MKLN1: variants seen among roughly 807,000 people sequenced by gnomAD.
MKLN1 encodes muskelin 1.
A neutral mutation model predicts 99.0 loss-of-function variants in MKLN1; 18 were observed. That is an observed-to-expected ratio of 0.18 (90% confidence interval 0.13 to 0.27). The LOEUF (loss-of-function observed/expected upper bound fraction) is 0.27, where lower values mean the gene tolerates loss of function less well. Among genes scored for constraint, MKLN1 ranks in the 10% least tolerant of loss-of-function variants. The pLI, the probability that MKLN1 is intolerant of heterozygous loss-of-function variation, is 1.00. For missense variants in MKLN1, 621 were observed against 875.9 expected (o/e 0.71, Z 3.67); for synonymous variants, 288 against 293.2 (o/e 0.98, Z 0.18).
chr7:131,443,081 G>A (rs912352653), intron 10 of MKLN1, among the ~76,000 whole-genome samples: 5 of 152,106 alleles, frequency 3.3e-5, no homozygotes, highest in African/African-American at 9.7e-5. Context: ...ATATCTGATC[G>A]CTTAGTAAAT....
chr7:131,441,410 C>T (rs1338566986), intron 10 of MKLN1, among the ~76,000 whole-genome samples: 2 of 151,852 alleles, frequency 1.3e-5, no homozygotes, highest in Admixed American at 6.6e-5. Flanking sequence ...ATAATTTTTC[C>T]CAGGAAAATA....
chr7:131,428,165 AAAATAAAT>A (rs903170892), intron 8 of MKLN1, among the ~76,000 whole-genome samples: 1 of 152,094 alleles, frequency 6.6e-6, no homozygotes, highest in Non-Finnish European at 1.5e-5. Context: ...ACCGTGTCTC[AAAATAAAT>A]AAATAAATAA....
Position 131,239,510 on chromosome 7 carries a change from G to T in MKLN1, c.-179+36536G>T, listed in dbSNP as rs111783698. Among the ~76,000 whole-genome samples, 104 of 152,130 alleles carry T rather than the reference G, an allele frequency of 6.8e-4. 1 individual carries two copies. Among genetic ancestry groups the T allele is most frequent in the African/African-American group, 2.3e-3 (97 of 41,504 alleles). ...TTTTAAATTTTTTATAGAGACAGGG[G>T]TCTTGCTAGGTTGCCCAGACTGATC... is the stretch of plus-strand genomic sequence containing the variant. On this transcript the variant is annotated intron_variant, in intron 3 of 7. Coordinates refer to the MKLN1 transcript ENST00000416992.
intron 2 of MKLN1, among the ~76,000 whole-genome samples, chr7:131,383,140 C>T (rs761118986): frequency 5.3e-5 from 8 of 152,262 alleles, no homozygotes; most frequent in Non-Finnish European, 1.2e-4. Context: ...TTGTTCCACA[C>T]CTTAAAACCT....
At position 131,466,558 on chromosome 7, in the gene MKLN1, T is replaced by C. The variant is rs1279035668; in HGVS notation, c.1928+143T>C. 1.9e-5 allele frequency: 10 copies of C among 532,360 alleles called. No individual in the cohort carries two copies. The Admixed American group carries it at 4.3e-4, about 23-fold the overall frequency. 33.0% of individuals were successfully genotyped at this position (532,360 alleles called of 1,614,324 possible). On this transcript the variant is annotated intron_variant, in intron 15 of 17. Transcript: ENST00000352689. ...GTTATTCCACTTATTTTTGCTTTCG[T>C]TTTTCAAAAGAAGATACAAAATACA...
intron 12 of MKLN1, among the ~76,000 whole-genome samples, chr7:131,457,209 G>A (rs544553081): frequency 8.6e-5 from 13 of 151,884 alleles, no homozygotes; most frequent in African/African-American, 1.4e-4. Flanking sequence ...CCCGGGAGGC[G>A]GAGATTGCAG....
At chr7:131,233,933 A>AT (rs1357483421) in intron 3 of MKLN1, among the ~76,000 whole-genome samples, 2 of 152,074 alleles carry the variant, frequency 1.3e-5, no homozygotes, top group African/African-American at 2.4e-5. Context: ...AGGAAGAAGC[A>AT]TTTTTTTAAA....
chr7:131,222,708 A>G (rs997383067), intron 3 of MKLN1, among the ~76,000 whole-genome samples: 1 of 152,212 alleles, frequency 6.6e-6, no homozygotes, highest in African/African-American at 2.4e-5. Context: ...ATTTCTACCC[A>G]TATAAACATT....
chr7:131,410,444 T>G (rs1275552467), intron 6 of MKLN1, among the ~76,000 whole-genome samples: 1 of 152,192 alleles, frequency 6.6e-6, no homozygotes, highest in Non-Finnish European at 1.5e-5. Context: ...AAGTATAGTT[T>G]TATTACTGCT....
chr7:131,299,980 G>A (rs2116617118), intron 3 of MKLN1, among the ~76,000 whole-genome samples: 1 of 152,228 alleles, frequency 6.6e-6, no homozygotes, highest in East Asian at 1.9e-4. Context: ...AGTTATCTCG[G>A]GGTAAACTCT....
intron 1 of MKLN1, among the ~76,000 whole-genome samples, chr7:131,334,846 T>C (rs1799204294): frequency 6.6e-6 from 1 of 152,224 alleles, no homozygotes; most frequent in Non-Finnish European, 1.5e-5. Flanking sequence ...TTAATATGTA[T>C]AAAATGTTTC....
chr7:131,378,268 C>T (rs1054530415), intron 2 of MKLN1, among the ~76,000 whole-genome samples: 5 of 152,194 alleles, frequency 3.3e-5, no homozygotes, highest in South Asian at 2.1e-4. Flanking sequence ...TGCACCACCA[C>T]GCCCAGCTAA....
chr7:131,478,561 C>G, intron 16 of MKLN1, 62 bp from the exon 17 acceptor site: 1 of 1,438,864 alleles, frequency 6.9e-7, no homozygotes. Context: ...AGGCTATTTT[C>G]CTTCAGTGCA....
chr7:131,291,595 T>C (rs1012242678), intron 3 of MKLN1, among the ~76,000 whole-genome samples: 9 of 148,414 alleles, frequency 6.1e-5, no homozygotes, highest in African/African-American at 1.5e-4. Flanking sequence ...TATATATATA[T>C]ATATATAATA....
intron 3 of MKLN1, among the ~76,000 whole-genome samples, chr7:131,315,022 G>T (rs1276921324): frequency 6.6e-6 from 1 of 152,012 alleles, no homozygotes; most frequent in Non-Finnish European, 1.5e-5. Flanking sequence ...GTGGCCTCCC[G>T]AAGTGGGCTG....
intron 10 of MKLN1, among the ~76,000 whole-genome samples, chr7:131,438,784 C>A (rs1795746057): frequency 6.6e-6 from 1 of 151,694 alleles, no homozygotes; most frequent in Non-Finnish European, 1.5e-5. Flanking sequence ...TATTGATGAA[C>A]ATAAATTATC....
intron 2 of MKLN1, among the ~76,000 whole-genome samples, chr7:131,189,134 T>C (rs1482197577): frequency 6.6e-6 from 1 of 152,226 alleles, no homozygotes; most frequent in African/African-American, 2.4e-5. Flanking sequence ...CATCAGCTTT[T>C]GAGGCTCAAC....
chr7:131,300,080 T>C (rs1201349280), intron 3 of MKLN1, among the ~76,000 whole-genome samples: 1 of 152,076 alleles, frequency 6.6e-6, no homozygotes, highest in Non-Finnish European at 1.5e-5. Flanking sequence ...TTGCTTCATA[T>C]TATAGTCAAT....
intron 2 of MKLN1, among the ~76,000 whole-genome samples, chr7:131,188,419 C>G (rs759295550): frequency 4.6e-5 from 7 of 152,242 alleles, no homozygotes; most frequent in Admixed American, 1.3e-4. Flanking sequence ...CTTGCTCACA[C>G]ATTTGTGATC....
Sources: allele counts gnomAD v4.1 joint callset (sites outside exome capture counted in the v4.1 genomes callset), GRCh38; gene constraint gnomAD v4.1.1; transcripts MANE v1.5; gene names NCBI Gene and HGNC (gene_info 2026-07-23, HGNC 2026-07-21).